GLIS3: variants seen among roughly 807,000 people sequenced by gnomAD.
The protein encoded by GLIS3 is GLIS family zinc finger 3.
GLIS3 carries 53 observed loss-of-function variants against 78.6 expected under a neutral mutation model. The ratio of observed to expected loss-of-function variants is 0.67; its 90% confidence interval spans 0.54 to 0.85. The LOEUF (loss-of-function observed/expected upper bound fraction) is 0.85, where lower values mean the gene tolerates loss of function less well. GLIS3 is among the 40% of genes least tolerant of loss of function. GLIS3 has a pLI of 0.00. For synonymous variants in GLIS3, 684 were observed against 509.9 expected (o/e 1.34, Z -4.60); for missense variants, 1,703 against 1,231.1 (o/e 1.38, Z -5.74).
At chr9:4,355,132 GAAAAAA>G in the GLIS3 span, among the ~76,000 whole-genome samples, 1 of 145,282 alleles carries the variant, frequency 6.9e-6, no homozygotes, top group Admixed American at 6.8e-5. Context: ...ACTCCATCTC[GAAAAAA>G]AAAAGAAAAA....
chr9:4,311,177 G>A (rs934379093), intron 2 of GLIS3, among the ~76,000 whole-genome samples: 2 of 152,220 alleles, frequency 1.3e-5, no homozygotes, highest in Non-Finnish European at 2.9e-5. Flanking sequence ...GGGAGGCTGA[G>A]GCAGGCGGAT....
chr9:4,195,073 G>A (rs1320916251), intron 2 of GLIS3, among the ~76,000 whole-genome samples: 1 of 152,268 alleles, frequency 6.6e-6, no homozygotes, highest in African/African-American at 2.4e-5. Context: ...AGTAGGGCTA[G>A]AACTGTGCTC....
intron 2 of GLIS3, among the ~76,000 whole-genome samples, chr9:4,196,711 G>A (rs765527894): frequency 2.0e-5 from 3 of 152,088 alleles, no homozygotes; most frequent in African/African-American, 4.8e-5. Context: ...CTCCAGACAC[G>A]CCATTTTTAA....
chr9:4,477,441 GTCTC>G, the GLIS3 span, among the ~76,000 whole-genome samples: 3 of 151,794 alleles, frequency 2.0e-5, no homozygotes, highest in South Asian at 2.1e-4. Context: ...TGAGATAGGG[GTCTC>G]TCTTTGTCAC....
chr9:4,251,730 C>T (rs1198687191), intron 2 of GLIS3, among the ~76,000 whole-genome samples: 1 of 152,146 alleles, frequency 6.6e-6, no homozygotes, highest in African/African-American at 2.4e-5. Context: ...TATGTTTTTG[C>T]AGTGGCTGGT....
In GLIS3 at chr9:4,288,506, A is replaced by G. The variant is rs559094785; in HGVS notation, c.-98-1983T>C. Among the ~76,000 whole-genome samples, 8 of 151,942 alleles carry G rather than the reference A, an allele frequency of 5.3e-5. No homozygotes were observed. The South Asian group carries it at 1.7e-3, about 32-fold the overall frequency. ...AAATAAAGGAGTCATTTTTTTTGGC[A>G]GCAAGATCATATACGAGCAGGAATT... On this transcript the variant is annotated intron_variant, in intron 1 of 10. Transcript: ENST00000381971.
chr9:4,285,978 T>C, intron 2 of GLIS3, 60 bp downstream of exon 2: 2 of 1,596,448 alleles, frequency 1.3e-6, no homozygotes, highest in Non-Finnish European at 1.7e-6. Context: ...TGGCAGAAAA[T>C]GGGATGGGGG....
intron 2 of GLIS3, among the ~76,000 whole-genome samples, chr9:4,267,966 T>C (rs937439166): frequency 2.6e-5 from 4 of 151,948 alleles, no homozygotes; most frequent in Admixed American, 1.3e-4. Flanking sequence ...TGTGTGTGTG[T>C]GTGTGTGTGT....
At chr9:4,055,838 C>A (rs1826112411) in intron 4 of GLIS3, among the ~76,000 whole-genome samples, 1 of 152,220 alleles carries the variant, frequency 6.6e-6, no homozygotes, top group Non-Finnish European at 1.5e-5. Flanking sequence ...GCTTTCAGAA[C>A]AGGACTCCTC....
chr9:3,926,571 C>A (rs191206936), intron 6 of GLIS3, among the ~76,000 whole-genome samples: 1 of 151,244 alleles, frequency 6.6e-6, no homozygotes, highest in Admixed American at 6.6e-5. Context: ...TATATTTTTT[C>A]ATTTCTTTCT....
chr9:4,490,438 G>A, the GLIS3 span: 3 of 279,978 alleles, frequency 1.1e-5, no homozygotes, highest in Non-Finnish European at 2.0e-5. Context: ...GAGCGCGGCG[G>A]CAGCAGGAGG....
chr9:3,931,015 T>G (rs989782701), intron 6 of GLIS3, among the ~76,000 whole-genome samples: 1 of 152,206 alleles, frequency 6.6e-6, no homozygotes, highest in African/African-American at 2.4e-5. Flanking sequence ...AACTTAGCAG[T>G]TCCTTTGCTT....
At chr9:4,410,043 TCACTG>T in the GLIS3 span, among the ~76,000 whole-genome samples, 2 of 152,056 alleles carry the variant, frequency 1.3e-5, no homozygotes, top group Non-Finnish European at 2.9e-5. Context: ...AGATCTCAGC[TCACTG>T]CAAACTCTGC....
intron 2 of GLIS3, among the ~76,000 whole-genome samples, chr9:4,324,579 C>G (rs1212100271): frequency 6.6e-6 from 1 of 152,116 alleles, no homozygotes; most frequent in African/African-American, 2.4e-5. Context: ...CTTTCTCTTC[C>G]TTTTGCACAT....
At chr9:4,356,393 G>A in the GLIS3 span, among the ~76,000 whole-genome samples, 1 of 152,210 alleles carries the variant, frequency 6.6e-6, no homozygotes, top group Non-Finnish European at 1.5e-5. Flanking sequence ...AAAGCAATAT[G>A]ATTGAGCCCT....
At chr9:4,386,446 C>T in the GLIS3 span, 1 of 151,202 alleles carries the variant, frequency 6.6e-6, no homozygotes, top group Non-Finnish European at 1.5e-5. Flanking sequence ...GCATGTTATC[C>T]TTGTGCAAGG....
chr9:4,266,884 A>ATTT (rs1180074570), intron 2 of GLIS3, among the ~76,000 whole-genome samples: 10 of 152,218 alleles, frequency 6.6e-5, no homozygotes, highest in Admixed American at 6.5e-4. Context: ...GGCAACTCTC[A>ATTT]GAACCTAATT....
chr9:4,333,113 G>A (rs1275674970), intron 2 of GLIS3, among the ~76,000 whole-genome samples: 1 of 152,150 alleles, frequency 6.6e-6, no homozygotes, highest in Non-Finnish European at 1.5e-5. Flanking sequence ...TTAGCCAGGT[G>A]CTGCACTCTT....
intron 9 of GLIS3, among the ~76,000 whole-genome samples, chr9:3,832,278 A>G (rs765106772): frequency 8.6e-5 from 13 of 151,570 alleles, no homozygotes; most frequent in Non-Finnish European, 1.6e-4. Context: ...TTATTTTATA[A>G]TGACTGTATT....
Sources: gnomAD v4.1 joint callset for allele counts (sites outside exome capture counted in the v4.1 genomes callset) on GRCh38, gnomAD v4.1.1 for gene constraint, MANE v1.5 for transcripts, NCBI Gene and HGNC (gene_info 2026-07-23, HGNC 2026-07-21) for gene names.